ATRNL1: variants seen among roughly 807,000 people sequenced by gnomAD.
The protein encoded by ATRNL1 is attractin like 1, also known as attractin-like protein 1.
Under a neutral mutation model 182.7 loss-of-function variants are expected in ATRNL1, and 95 were observed. That is an observed-to-expected ratio of 0.52 (90% CI 0.44 to 0.62). The LOEUF (loss-of-function observed/expected upper bound fraction) is 0.62. Ranked by LOEUF, ATRNL1 falls within the 20% of genes least tolerant of loss-of-function variation. ATRNL1 has a pLI of 0.00. For missense variants in ATRNL1, 1,471 were observed against 1,679.5 expected (o/e 0.88, Z 2.17); for synonymous variants, 576 against 568.3 (o/e 1.01, Z -0.19).
intron 27 of ATRNL1, among the ~76,000 whole-genome samples, chr10:115,751,492 GTACAGCCTCTGTGGAGGAGAA>G (rs1474411169): frequency 1.3e-5 from 2 of 151,988 alleles, no homozygotes; most frequent in Non-Finnish European, 2.9e-5. Context: ...AATGCAAACT[GTACAGCCTCTGTGGAGGAGAA>G]TTTTGCTATA....
At chr10:115,578,330 T>C (rs1235877128) in intron 26 of ATRNL1, among the ~76,000 whole-genome samples, 1 of 151,784 alleles carries the variant, frequency 6.6e-6, no homozygotes, top group Non-Finnish European at 1.5e-5. Context: ...ATTACGGATA[T>C]TAATTCTTCT....
intron 28 of ATRNL1, among the ~76,000 whole-genome samples, chr10:115,938,902 G>C (rs1555123511): frequency 3.3e-5 from 5 of 152,136 alleles, no homozygotes; most frequent in Non-Finnish European, 7.4e-5. Context: ...CAAAGTTTCA[G>C]TTAGACTGGA....
At chr10:115,333,925 C>G (rs1554935863) in intron 18 of ATRNL1, among the ~76,000 whole-genome samples, 1 of 152,058 alleles carries the variant, frequency 6.6e-6, no homozygotes, top group Non-Finnish European at 1.5e-5. Context: ...CATTCTTTAT[C>G]AAAGTTATAG....
chr10:115,917,955 A>G (rs1003068492), intron 28 of ATRNL1, among the ~76,000 whole-genome samples: 2 of 152,178 alleles, frequency 1.3e-5, no homozygotes, highest in Non-Finnish European at 1.5e-5. Flanking sequence ...TAATTGTTAA[A>G]ATAGTAAATA....
chr10:115,805,232 G>A (rs2134243873), intron 27 of ATRNL1, among the ~76,000 whole-genome samples: 1 of 152,234 alleles, frequency 6.6e-6, no homozygotes, highest in Middle Eastern at 3.4e-3. Context: ...AGTTTTGCCT[G>A]TCCCAAAAGA....
At chr10:115,154,390 G>T (rs566373050) in intron 5 of ATRNL1, among the ~76,000 whole-genome samples, 11 of 152,220 alleles carry the variant, frequency 7.2e-5, no homozygotes, top group Admixed American at 1.3e-4. Flanking sequence ...GAATCTGGGT[G>T]TTCCTGTATT....
At chr10:115,400,395 G>C (rs1554956719) in intron 20 of ATRNL1, among the ~76,000 whole-genome samples, 1 of 152,104 alleles carries the variant, frequency 6.6e-6, no homozygotes, top group African/African-American at 2.4e-5. Flanking sequence ...ATGCCATGCA[G>C]TGATGAGATG....
intron 1 of ATRNL1, among the ~76,000 whole-genome samples, chr10:115,107,310 T>G (rs781789437): frequency 6.6e-6 from 1 of 152,170 alleles, no homozygotes; most frequent in Non-Finnish European, 1.5e-5. Flanking sequence ...AGGTATAGGA[T>G]CTACATTCCC....
chr10:115,211,055 T>A (rs994978142), intron 8 of ATRNL1, among the ~76,000 whole-genome samples: 2 of 151,492 alleles, frequency 1.3e-5, no homozygotes, highest in Admixed American at 6.6e-5. Flanking sequence ...TTCTTTTTTT[T>A]TTTTTTTAAT....
intron 24 of ATRNL1, among the ~76,000 whole-genome samples, chr10:115,469,648 C>T (rs1747130755): frequency 6.6e-6 from 1 of 150,482 alleles, no homozygotes; most frequent in Non-Finnish European, 1.5e-5. Context: ...TCTCATATAA[C>T]CCCACTTGAA....
chr10:115,532,424 T>C (rs1554988629), intron 25 of ATRNL1, among the ~76,000 whole-genome samples: 3 of 152,196 alleles, frequency 2.0e-5, no homozygotes. Context: ...GATTTGGCTC[T>C]CTATCTGTTA....
chr10:115,639,953 T>A (rs1392134169), intron 26 of ATRNL1, among the ~76,000 whole-genome samples: 1 of 152,094 alleles, frequency 6.6e-6, no homozygotes, highest in East Asian at 1.9e-4. Flanking sequence ...GTATTTGTCC[T>A]AATGCTCTCC....
chr10:115,427,053 G>A (rs1170624229), intron 21 of ATRNL1, among the ~76,000 whole-genome samples: 21 of 152,110 alleles, frequency 1.4e-4, no homozygotes, highest in African/African-American at 5.1e-4. Flanking sequence ...ACAGCCAAAT[G>A]CTGTTTCCCC....
At chr10:115,669,833 A>G (rs942233944) in intron 26 of ATRNL1, among the ~76,000 whole-genome samples, 9 of 152,226 alleles carry the variant, frequency 5.9e-5, no homozygotes, top group African/African-American at 2.2e-4. Flanking sequence ...GTGAACTTCA[A>G]TATACATTGT....
At chr10:115,885,693 A>G (rs552607316) in intron 28 of ATRNL1, among the ~76,000 whole-genome samples, 4 of 152,324 alleles carry the variant, frequency 2.6e-5, no homozygotes, top group African/African-American at 9.6e-5. Flanking sequence ...CACTGTATCT[A>G]CATATATATG....
At chr10:115,940,465 A>G (rs1321467031) in intron 28 of ATRNL1, among the ~76,000 whole-genome samples, 2 of 152,146 alleles carry the variant, frequency 1.3e-5, no homozygotes, top group Non-Finnish European at 2.9e-5. Flanking sequence ...CGTTGCCACA[A>G]GTTGTGGGTC....
At chr10:115,169,494 C>T (rs1186771561) in intron 7 of ATRNL1, among the ~76,000 whole-genome samples, 4 of 152,066 alleles carry the variant, frequency 2.6e-5, no homozygotes, top group African/African-American at 9.7e-5. Context: ...CAGTCATGAG[C>T]CACCATGCCC....
At chr10:115,726,977 A>T (rs181821244) in intron 26 of ATRNL1, among the ~76,000 whole-genome samples, 115 of 152,182 alleles carry the variant, frequency 7.6e-4, no homozygotes, top group African/African-American at 2.7e-3. Context: ...CGAGGCTTTC[A>T]GAGTGCTTTT....
rs1554885394 is a variant in ATRNL1 at position 115,171,040 on chromosome 10, A to C, written c.1096A>C (p.Asn366His). Residue 366 changes from asparagine (N) to histidine (H), a missense_variant, in exon 8 of 29, where the codon AAC (asparagine) becomes CAC (histidine). Coordinates refer to ENST00000355044, the MANE Select transcript of ATRNL1 (RefSeq NM_207303.4). ...YGHSLALYQE[N>H]IFMYGGRIET... ...ATATATGTATTTTAATTTACAGGAA[A>C]ACATCTTTATGTATGGAGGCAGAAT... The C allele has an allele frequency of 6.5e-7, 1 of 1,527,060 alleles. No individual in the cohort carries two copies. Among genetic ancestry groups the C allele is most frequent in the Non-Finnish European group, 8.8e-7 (1 of 1,131,742 alleles). The allele number at this position is 1,527,060 out of a possible 1,614,324, so 94.6% of individuals were successfully genotyped here. A position where few individuals can be genotyped will look rare whatever the true frequency, so the allele number is the denominator to read the frequency against.
Sources: gnomAD v4.1 joint callset for allele counts (sites outside exome capture counted in the v4.1 genomes callset) on GRCh38, gnomAD v4.1.1 for gene constraint, MANE v1.5 for transcripts, NCBI Gene and HGNC (gene_info 2026-07-23, HGNC 2026-07-21) for gene names.